DGLUCY: variants seen among roughly 807,000 people sequenced by gnomAD.
The protein encoded by DGLUCY is D-glutamate cyclase, mitochondrial.
A neutral mutation model predicts 58.5 loss-of-function variants in DGLUCY; 58 were observed. That is an observed-to-expected ratio of 0.99 (90% CI 0.80 to 1.23). DGLUCY has a LOEUF of 1.23. DGLUCY is among the 50% of genes most tolerant of loss of function. The probability of loss-of-function intolerance (pLI) is 0.00; values close to 1 mark genes in which losing one functional copy is unlikely to be tolerated. For missense variants in DGLUCY, 779 were observed against 784.7 expected (o/e 0.99, Z 0.09); for synonymous variants, 325 against 314.1 (o/e 1.03, Z -0.37).
rs369029232 is a variant in DGLUCY at position 91,137,685 on chromosome 14, G to GT, written c.-81-19953dup. On this transcript the variant is annotated intron_variant, in intron 1 of 13. Coordinates refer to ENST00000256324, the MANE Select transcript of DGLUCY (RefSeq NM_001102368.3). ...GCTGGGATCATAGGCGTGAGACACC[G>GT]TACTTGGCCTGAGAATTTCTCTATG... Among the ~76,000 whole-genome samples, 120 of 152,090 alleles carry GT rather than the reference G, an allele frequency of 7.9e-4. 1 individual carries two copies. Among genetic ancestry groups the GT allele is most frequent in the African/African-American group, 2.8e-3 (117 of 41,502 alleles).
intron 3 of DGLUCY, among the ~76,000 whole-genome samples, chr14:91,162,821 C>T (rs1368224744): frequency 6.6e-6 from 1 of 151,266 alleles, no homozygotes; most frequent in Non-Finnish European, 1.5e-5. Flanking sequence ...CACTTGAACC[C>T]AGAAGGCGGA....
intron 7 of DGLUCY, among the ~76,000 whole-genome samples, chr14:91,180,289 G>A (rs1234370648): frequency 6.6e-6 from 1 of 151,550 alleles, no homozygotes; most frequent in Admixed American, 6.6e-5. Flanking sequence ...GAATAAAGTC[G>A]GGCTGGGCGT....
At chr14:91,085,998 C>T (rs1161346421) in intron 1 of DGLUCY, among the ~76,000 whole-genome samples, 1 of 152,160 alleles carries the variant, frequency 6.6e-6, no homozygotes, top group Non-Finnish European at 1.5e-5. Flanking sequence ...TGTTTACAGT[C>T]GCTCCCCATC....
chr14:91,219,398 G>A (rs186820305), intron 13 of DGLUCY, among the ~76,000 whole-genome samples: 77 of 152,312 alleles, frequency 5.1e-4, no homozygotes, highest in African/African-American at 1.7e-3. Context: ...ACATGAAGCC[G>A]TACAGTGTGC....
At chr14:91,125,880 C>T (rs1363526565) in intron 1 of DGLUCY, among the ~76,000 whole-genome samples, 1 of 151,948 alleles carries the variant, frequency 6.6e-6, no homozygotes, top group Admixed American at 6.6e-5. Context: ...TGCAGTGAGC[C>T]GAGATCTTGC....
intron 12 of DGLUCY, among the ~76,000 whole-genome samples, chr14:91,214,221 G>A (rs1258028483): frequency 3.3e-5 from 5 of 152,054 alleles, no homozygotes; most frequent in South Asian, 4.2e-4. Context: ...ATAGTGGCCC[G>A]TGGCTGGCCG....
intron 9 of DGLUCY, among the ~76,000 whole-genome samples, chr14:91,193,113 G>A (rs1467199059): frequency 1.2e-4 from 18 of 152,164 alleles, no homozygotes; most frequent in Admixed American, 1.2e-3. Context: ...TGTGTTAAGA[G>A]GATGAGGAGA....
At chr14:91,103,878 C>T (rs2044536392), upstream of DGLUCY, among the ~76,000 whole-genome samples, 1 of 151,372 alleles carries the variant, frequency 6.6e-6, no homozygotes, top group Non-Finnish European at 1.5e-5. Context: ...TTCCCTTGTC[C>T]CCGCCCCCAC....
At chr14:91,113,214 C>T (rs977902292), upstream of DGLUCY, among the ~76,000 whole-genome samples, 2 of 152,098 alleles carry the variant, frequency 1.3e-5, no homozygotes, top group Non-Finnish European at 2.9e-5. Flanking sequence ...GCAGAAGAAT[C>T]GCTCGAACCT....
chr14:91,216,192 T>G, intron 13 of DGLUCY: 1 of 159,344 alleles, frequency 6.3e-6, no homozygotes, highest in South Asian at 1.5e-4. Flanking sequence ...AGGTAGGGGG[T>G]GAGACAAAAG....
At chr14:91,064,165 C>T (rs1002693346) in intron 1 of DGLUCY, among the ~76,000 whole-genome samples, 1 of 152,064 alleles carries the variant, frequency 6.6e-6, no homozygotes, top group Non-Finnish European at 1.5e-5. Context: ...AAAGGAAGAG[C>T]ACATATGAGA....
chr14:91,157,499 A>G (rs2047729426), intron 1 of DGLUCY, 140 bp from the exon 2 acceptor site: 1 of 152,198 alleles, frequency 6.6e-6, no homozygotes, highest in African/African-American at 2.4e-5. Context: ...TGACAAACTA[A>G]CAGATGATGT....
chr14:91,213,296 G>A (rs1285299511), intron 12 of DGLUCY, among the ~76,000 whole-genome samples: 7 of 151,888 alleles, frequency 4.6e-5, no homozygotes, highest in Admixed American at 3.3e-4. Flanking sequence ...TAAGCCAGGC[G>A]TGTTGGCATG....
chr14:91,188,759 T>C lies in DGLUCY; in HGVS notation c.935-151T>C, dbSNP rs2049682862. 3.1e-5 allele frequency: 27 copies of C among 874,616 alleles called. 1 individual carries two copies. The Admixed American group carries it at 4.6e-4, about 15-fold the overall frequency. The allele number at this position is 874,616 out of a possible 1,614,324, so 54.2% of individuals were successfully genotyped here. A position where few individuals can be genotyped will look rare whatever the true frequency, so the allele number is the denominator to read the frequency against. On this transcript the variant is annotated intron_variant, in intron 8 of 13. Transcript: ENST00000256324. ...CGGGAGGATCACGTGAGCCCAGGAGTTTGAGGCTGCAGTGAGCTGTGATCA... is the reference window on the plus strand; with the variant it reads ...CGGGAGGATCACGTGAGCCCAGGAGCTTGAGGCTGCAGTGAGCTGTGATCA...
chr14:91,173,522 C>T (rs1051530463), intron 6 of DGLUCY, 83 bp downstream of exon 6: 4 of 1,400,438 alleles, frequency 2.9e-6, no homozygotes, highest in Non-Finnish European at 2.8e-6. Flanking sequence ...GCCCATGATC[C>T]CCCTGTTCAC....
At chr14:91,167,139 C>CA (rs369936973) in intron 3 of DGLUCY, 86 bp from the exon 4 acceptor site, 189,394 of 1,113,512 alleles carry the variant, frequency 0.17, 1 homozygote, top group Non-Finnish European at 0.18. Context: ...AACTCCGCCT[C>CA]AAAAAAAAAA....
chr14:91,167,631 A>T, intron 4 of DGLUCY: 1 of 708,002 alleles, frequency 1.4e-6, no homozygotes, highest in Non-Finnish European at 2.6e-6. Flanking sequence ...GAGAAATCCC[A>T]CTGGCTCTGC....
In DGLUCY at chr14:91,064,358, C is replaced by T. The variant is rs930328663; in HGVS notation, c.-82+3654C>T. ...GATTACCTAGGGAGAAGCCTGGGTG[C>T]GGTGGATCATGCCTGTAATCTCAGC... is the stretch of plus-strand genomic sequence containing the variant. On this transcript the variant is annotated intron_variant, in intron 1 of 4. Coordinates refer to the DGLUCY transcript ENST00000521334. Among the ~76,000 whole-genome samples, 13 of 151,966 alleles carry T rather than the reference C, an allele frequency of 8.6e-5. No homozygotes were observed. In the South Asian group the frequency reaches 1.7e-3, roughly 19 times the overall value.
rs879496039 is a variant in DGLUCY at position 91,076,725 on chromosome 14, A to C, written c.-82+16021A>C. On this transcript the variant is annotated intron_variant, in intron 1 of 4. Transcript: ENST00000521334. ...GGAGTAGGAATCCAGGATTCTAGGC[A>C]GAGGGGGCAGTGAGAGCAAAAACAA... Among the ~76,000 whole-genome samples, 10 of 152,180 alleles carry C rather than the reference A, an allele frequency of 6.6e-5. No homozygotes were observed. In the South Asian group the frequency reaches 8.3e-4, roughly 13 times the overall value.
Sources: allele counts gnomAD v4.1 joint callset (sites outside exome capture counted in the v4.1 genomes callset), GRCh38; gene constraint gnomAD v4.1.1; transcripts MANE v1.5; gene names NCBI Gene and HGNC (gene_info 2026-07-23, HGNC 2026-07-21).